The following RAPGEF5 variants were observed in gnomAD, a reference collection of about 807,000 sequenced individuals.
RAPGEF5 encodes M-Ras-regulated GEF.
A neutral mutation model predicts 125.2 loss-of-function variants in RAPGEF5; 65 were observed. That is an observed-to-expected ratio of 0.52 (90% CI 0.43 to 0.64). RAPGEF5 has a LOEUF of 0.64. Among genes scored for constraint, RAPGEF5 ranks in the 30% least tolerant of loss-of-function variants. RAPGEF5 has a pLI of 0.00. For missense variants in RAPGEF5, 958 were observed against 1,048.1 expected, an observed-to-expected ratio of 0.91 and a Z score of 1.19; for synonymous variants, 391 against 385.9, an observed-to-expected ratio of 1.01 and a Z score of -0.16.
At chr7:22,190,140 C>T (rs565655307) in intron 11 of RAPGEF5, among the ~76,000 whole-genome samples, 7 of 152,120 alleles carry the variant, frequency 4.6e-5, no homozygotes, top group Admixed American at 3.9e-4. Flanking sequence ...ATTAGCCGGG[C>T]GTGGTGGTGG....
intron 11 of RAPGEF5, among the ~76,000 whole-genome samples, chr7:22,167,666 G>T (rs192064174): frequency 1.3e-5 from 2 of 152,280 alleles, no homozygotes; most frequent in African/African-American, 4.8e-5. Context: ...TCTCTTAAAT[G>T]CATCTTTAAG....
Position 22,156,880 on chromosome 7 carries a change from G to C in RAPGEF5, c.1566C>G (p.Ala522=), listed in dbSNP as rs1220792010. The change falls in exon 16 of 26, where the codon GCC becomes GCG. Residue 522 remains alanine (A), a synonymous_variant. Transcript: ENST00000665637. ...DEYSPQKKNK[A]LFHQFSLKEN... The stretch of plus-strand genomic sequence containing the variant: ...CCTTAAGACTGAATTGGTGGAAAAG[G>C]GCTTTATTCTGTGAGATGGGAGAAA... 4 of 1,613,856 alleles carry C rather than the reference G, an allele frequency of 2.5e-6. No individual in the cohort carries two copies. Among genetic ancestry groups the C allele is most frequent in the Non-Finnish European group, 3.4e-6 (4 of 1,179,820 alleles).
intron 1 of RAPGEF5, among the ~76,000 whole-genome samples, chr7:22,342,923 C>A (rs1356230150): frequency 6.6e-6 from 1 of 152,228 alleles, no homozygotes; most frequent in African/African-American, 2.4e-5. Flanking sequence ...ACCGTTCCAA[C>A]CTCTGCCTGT....
At position 22,154,472 on chromosome 7, in the gene RAPGEF5, G is replaced by A. The variant is rs763409949; in HGVS notation, c.1769C>T (p.Ala590Val). The A allele has an allele frequency of 9.3e-6, 15 of 1,613,714 alleles. No individual in the cohort carries two copies. Among genetic ancestry groups the A allele is most frequent in the Non-Finnish European group, 1.3e-5 (15 of 1,179,776 alleles). Residue 590 changes from alanine (A) to valine (V), a missense_variant, in exon 17 of 26, where the codon GCC becomes GTC. Ala to Val is a moderately conservative substitution (Grantham distance 64). Coordinates refer to ENST00000665637, the MANE Select transcript of RAPGEF5 (RefSeq NM_012294.5). ...QYAEEDLALVAITFSGEKHEL... is the reference protein window; with the variant it reads ...QYAEEDLALVVITFSGEKHEL... ...CAACTTACCCCCAGAGAATGTGATG[G>A]CCACCAGAGCCAGATCCTCTTCTGC... is the stretch of plus-strand genomic sequence containing the variant.
intron 7 of RAPGEF5, among the ~76,000 whole-genome samples, chr7:22,238,686 T>A (rs144976635): frequency 8.5e-5 from 13 of 152,358 alleles, no homozygotes; most frequent in African/African-American, 2.6e-4. Context: ...ATTTGACAGT[T>A]ATATGATTCT....
intron 17 of RAPGEF5, among the ~76,000 whole-genome samples, chr7:22,151,717 G>C (rs1185773525): frequency 6.6e-6 from 1 of 152,040 alleles, no homozygotes; most frequent in Non-Finnish European, 1.5e-5. Flanking sequence ...GCCTGCCTTG[G>C]CCTCCCAGAG....
intron 1 of RAPGEF5, among the ~76,000 whole-genome samples, chr7:22,323,631 T>G (rs752653081): frequency 2.0e-5 from 3 of 152,210 alleles, no homozygotes; most frequent in Non-Finnish European, 4.4e-5. Context: ...CACTTGTCAC[T>G]GAATTTCCTA....
In RAPGEF5 at chr7:22,309,972, A is replaced by C; in HGVS notation, c.508T>G (p.Ser170Ala). The stretch of plus-strand genomic sequence containing the variant: ...GCCTTCAAGACATAATACTAACCTG[A>C]TAACATAATTCCCATGTCCAGTAGG... ...QLLLDMGIML[S>A]VDQHLYFQDT... The change falls in exon 4 of 26, where the codon TCA becomes GCA. Residue 170 changes from serine (S) to alanine (A), a missense_variant. Physicochemically the swap from Ser to Ala is moderately conservative, Grantham distance 99 (BLOSUM62 1). Coordinates refer to ENST00000665637, the MANE Select transcript of RAPGEF5 (RefSeq NM_012294.5). The C allele has an allele frequency of 1.9e-6, 3 of 1,583,848 alleles. No individual in the cohort carries two copies. The highest frequency in any genetic ancestry group is 1.7e-6 in the Non-Finnish European group (2 of 1,170,414).
Position 22,120,543 on chromosome 7 carries a change from C to T in RAPGEF5, c.*1863G>A, listed in dbSNP as rs1371176435. The T allele has an allele frequency of 6.6e-6, 1 of 152,636 alleles. No individual in the cohort carries two copies. The highest frequency in any genetic ancestry group is 2.4e-5 in the African/African-American group (1 of 41,444). 9.5% of individuals were successfully genotyped at this position (152,636 alleles called of 1,614,324 possible). On this transcript the variant is annotated 3_prime_UTR_variant, in exon 26 of 26. Transcript: ENST00000665637. The surrounding 1 kb of genome is among the most constrained non-coding windows in gnomAD (Gnocchi z 4.0). ...AGAACACGTGCTTGTGCTGTAAGCC[C>T]ATGCTATTGTTAGTAACTGCGTGAG...
chr7:22,279,050 C>CTCTTTACAA (rs957778308), intron 6 of RAPGEF5, among the ~76,000 whole-genome samples: 28 of 152,242 alleles, frequency 1.8e-4, no homozygotes, highest in Middle Eastern at 3.4e-3. Flanking sequence ...CTTTACAAAC[C>CTCTTTACAA]ACTGAAACCT....
chr7:22,344,578 G>A (rs1466763073), intron 1 of RAPGEF5, among the ~76,000 whole-genome samples: 1 of 152,144 alleles, frequency 6.6e-6, no homozygotes, highest in Non-Finnish European at 1.5e-5. Context: ...TGCTCCTCCT[G>A]ACCTACCACT....
At chr7:22,316,350 T>TATAGATAG (rs55885957) in intron 2 of RAPGEF5, among the ~76,000 whole-genome samples, 18,837 of 144,964 alleles carry the variant, frequency 0.13, 1,598 homozygotes, top group East Asian at 0.27. Context: ...GTATCTACTA[T>TATAGATAG]ATAGATAGAT....
intron 23 of RAPGEF5, among the ~76,000 whole-genome samples, chr7:22,135,542 T>C (rs1033177401): frequency 3.9e-5 from 6 of 152,198 alleles, no homozygotes; most frequent in Admixed American, 1.3e-4. Flanking sequence ...ATTCCACTCC[T>C]GAAGAAAGGA....
chr7:22,124,952 A>G (rs1782691249), intron 25 of RAPGEF5, among the ~76,000 whole-genome samples: 1 of 152,146 alleles, frequency 6.6e-6, no homozygotes, highest in African/African-American at 2.4e-5. Flanking sequence ...CCCATGTGAA[A>G]GCTCCTTCAA....
In RAPGEF5 at chr7:22,150,496, C is replaced by G; in HGVS notation, c.1795G>C (p.Glu599Gln). The G allele has an allele frequency of 7.4e-7, 1 of 1,346,264 alleles. No homozygotes were observed. The highest frequency in any genetic ancestry group is 1.0e-6 in the Non-Finnish European group (1 of 999,564). 83.4% of individuals were successfully genotyped at this position (1,346,264 alleles called of 1,614,324 possible). A position where few individuals can be genotyped will look rare whatever the true frequency, so the allele number is the denominator to read the frequency against. ...ATGACTAAGTCATTTGGCTGAAGTT[C>G]ATGCTTTTCTTTATTTGAAAAAAAA... is the stretch of plus-strand genomic sequence containing the variant. ...VAITFSGEKH[E>Q]LQPNDLVISK... The change falls in exon 18 of 26, where the codon GAA becomes CAA. Residue 599 changes from glutamate to glutamine, a missense_variant. Physicochemically the swap from Glu to Gln is conservative, Grantham distance 29 (BLOSUM62 2). Transcript: ENST00000665637.
chr7:22,239,939 T>C lies in RAPGEF5; in HGVS notation c.797-9020A>G, dbSNP rs574796253. Among the ~76,000 whole-genome samples, 11 of 152,144 alleles carry C rather than the reference T, an allele frequency of 7.2e-5. No homozygotes were observed. The South Asian group carries it at 2.1e-3, about 29-fold the overall frequency. On this transcript the variant is annotated intron_variant, in intron 7 of 25. Transcript: ENST00000665637. ...AAGGTTTTTTTTTGGCCGGGTGTGG[T>C]GGCTCATGCCTGTAATCCCAGCACT...
chr7:22,281,762 C>T (rs1189399366), intron 6 of RAPGEF5, among the ~76,000 whole-genome samples: 1 of 152,214 alleles, frequency 6.6e-6, no homozygotes, highest in African/African-American at 2.4e-5. Context: ...TTCTCCTTCG[C>T]TATTCTAACA....
At chr7:22,265,642 A>G (rs1200242623) in intron 7 of RAPGEF5, among the ~76,000 whole-genome samples, 2 of 151,760 alleles carry the variant, frequency 1.3e-5, no homozygotes, top group Non-Finnish European at 2.9e-5. Flanking sequence ...ACATTTTTGA[A>G]GAACCTCCAT....
At chr7:22,334,276 GA>G (rs1783985072) in intron 1 of RAPGEF5, among the ~76,000 whole-genome samples, 1 of 151,708 alleles carries the variant, frequency 6.6e-6, no homozygotes, top group Non-Finnish European at 1.5e-5. Flanking sequence ...AAGAGAAAGA[GA>G]AGTGTTAAAA....
Sources: gnomAD v4.1 joint callset for allele counts (sites outside exome capture counted in the v4.1 genomes callset) on GRCh38, gnomAD v4.1.1 for gene constraint, Gnocchi (gnomAD v3.1) non-coding constraint, MANE v1.5 for transcripts, NCBI Gene and HGNC (gene_info 2026-07-23, HGNC 2026-07-21) for gene names.